Variants in WASF3 observed in about 807,000 individuals in gnomAD.
The protein encoded by WASF3 is actin-binding protein WASF3.
In WASF3, 11 loss-of-function variants were observed where a neutral mutation model predicts 46.6. The observed-to-expected ratio is 0.24, with a 90% CI of 0.15 to 0.39. The LOEUF (loss-of-function observed/expected upper bound fraction) is 0.39, where lower values mean the gene tolerates loss of function less well. WASF3 is among the 10% of genes least tolerant of loss of function. The pLI is 1.00. For missense variants in WASF3, 576 were observed against 669.8 expected (o/e 0.86, Z 1.55); for synonymous variants, 242 against 259.7 (o/e 0.93, Z 0.65).
intron 3 of WASF3, among the ~76,000 whole-genome samples, chr13:26,661,228 G>A (rs749684146): frequency 7.9e-5 from 12 of 152,220 alleles, no homozygotes; most frequent in Non-Finnish European, 1.6e-4. Context: ...TCTCCAGAAT[G>A]TTGTCATCCT....
chr13:26,580,130 C>A (rs556261445), intron 1 of WASF3, among the ~76,000 whole-genome samples: 4 of 152,226 alleles, frequency 2.6e-5, no homozygotes, highest in South Asian at 2.1e-4. Flanking sequence ...AGATTGGACA[C>A]CCCTGCCTTA....
intron 5 of WASF3, 69 bp downstream of exon 5, chr13:26,667,739 C>G: frequency 6.8e-7 from 1 of 1,473,044 alleles, no homozygotes. Flanking sequence ...TGGGAGCAAG[C>G]TGATGCATTG....
intron 3 of WASF3, among the ~76,000 whole-genome samples, chr13:26,660,608 G>A (rs190696393): frequency 1.2e-4 from 18 of 152,180 alleles, no homozygotes; most frequent in Middle Eastern, 3.4e-3. Context: ...TGCTGCGAAG[G>A]GAGGAGAGTA....
rs1207038293 is a variant in WASF3 at position 26,679,824 on chromosome 13, G to A, written c.717-1230G>A. On this transcript the variant is annotated intron_variant, in intron 7 of 9. Coordinates refer to ENST00000335327, the MANE Select transcript of WASF3 (RefSeq NM_006646.6). This position sits in a 1 kb window ranked among gnomAD's most constrained non-coding sequence, Gnocchi z 4.8. ...ATCCAGAATTCATACTGCAATTAGG[G>A]AAGAAAATAATGAGTAGTTATTAGT... Among the ~76,000 whole-genome samples the A allele has an allele frequency of 6.6e-6, 1 of 152,162 alleles. No individual in the cohort carries two copies. The highest frequency in any genetic ancestry group is 1.5e-5 in the Non-Finnish European group (1 of 68,024).
rs780981067 is a variant in WASF3, at chr13:26,685,825, G to A, written c.1489G>A (p.Glu497Lys). The A allele has an allele frequency of 1.9e-6, 3 of 1,613,858 alleles. No homozygotes were observed. The highest frequency in any genetic ancestry group is 1.7e-5 in the Admixed American group (1 of 60,030). Residue 497 changes from glutamate (E) to lysine (K), a missense_variant, in exon 10 of 10, where the codon GAG becomes AAG. Glu to Lys is a moderately conservative substitution (Grantham distance 56). Around this residue, in one of 3 missense-constraint regions of WASF3, gnomAD observed 68 missense variants for 100.3 expected, o/e 0.68. Transcript: ENST00000335327. Reference sequence around the variant, plus strand: ...CTCTGACGACGACTCAGAGTTCGACGAGAACGACTGGTCCGACTGAGCAAA... The same window carrying A: ...CTCTGACGACGACTCAGAGTTCGACAAGAACGACTGGTCCGACTGAGCAAA... ...SDSDDDSEFDENDWSD is the reference protein window; with the variant it reads ...SDSDDDSEFDKNDWSD
intron 2 of WASF3, among the ~76,000 whole-genome samples, chr13:26,637,062 T>G (rs962799178): frequency 6.6e-6 from 1 of 152,202 alleles, no homozygotes; most frequent in Non-Finnish European, 1.5e-5. Flanking sequence ...CTGTGCTTAG[T>G]CTGTCCAGTC....
intron 3 of WASF3, among the ~76,000 whole-genome samples, chr13:26,643,012 T>C (rs929961021): frequency 6.6e-6 from 1 of 152,244 alleles, no homozygotes; most frequent in Non-Finnish European, 1.5e-5. Flanking sequence ...CATAGATGTA[T>C]GGCAAATGCA....
rs140625714 is a variant in WASF3 at position 26,563,206 on chromosome 13, G to A, written c.-109+5387G>A. On this transcript the variant is annotated intron_variant, in intron 1 of 9. Transcript: ENST00000335327. ...ACCAGTTTTGTGTCAGATCCTATCC[G>A]CCTATCTTCATAGATGTTTTTATTT... 6.8e-3 allele frequency among the ~76,000 whole-genome samples: 1,038 copies of A among 151,830 alleles called. 14 individuals carry two copies. The highest frequency in any genetic ancestry group is 0.024 in the African/African-American group (985 of 41,406).
chr13:26,547,417 C>CAT, the WASF3 span, among the ~76,000 whole-genome samples: 1 of 151,696 alleles, frequency 6.6e-6, no homozygotes, highest in African/African-American at 2.4e-5. Context: ...CACACACACA[C>CAT]ACACACACAC....
intron 1 of WASF3, among the ~76,000 whole-genome samples, chr13:26,562,860 T>TCCCCTCCCCTCCCCTCCCC (rs1879339053): frequency 3.6e-5 from 1 of 27,574 alleles, no homozygotes; most frequent in Non-Finnish European, 6.8e-5. Flanking sequence ...TCCCCTCTCC[T>TCCCCTCCCCTCCCCTCCCC]CCCCTCCTCC....
At chr13:26,635,445 C>G (rs1237728083) in intron 2 of WASF3, among the ~76,000 whole-genome samples, 1 of 152,210 alleles carries the variant, frequency 6.6e-6, no homozygotes, top group Non-Finnish European at 1.5e-5. Flanking sequence ...GCTCCTTTAG[C>G]TCGGAGAAGT....
chr13:26,556,329 G>C (rs1879097849), upstream of WASF3, among the ~76,000 whole-genome samples: 1 of 152,190 alleles, frequency 6.6e-6, no homozygotes, highest in Non-Finnish European at 1.5e-5. Context: ...CCTAAACATA[G>C]ACATGGAAGC....
the WASF3 span, among the ~76,000 whole-genome samples, chr13:26,549,069 A>G: frequency 6.9e-6 from 1 of 145,238 alleles, no homozygotes; most frequent in African/African-American, 2.6e-5. Context: ...GCAACCTCCG[A>G]CTCCCTGGTT....
At chr13:26,543,015 A>G in the WASF3 span, among the ~76,000 whole-genome samples, 6 of 152,336 alleles carry the variant, frequency 3.9e-5, no homozygotes, top group Non-Finnish European at 7.3e-5. Flanking sequence ...TAGGTAATGA[A>G]CAGTAAAACA....
chr13:26,683,245 T>G lies in WASF3; in HGVS notation c.1351+271T>G, dbSNP rs2650692. Among the ~76,000 whole-genome samples the G allele has an allele frequency of 0.35, 53,425 of 151,926 alleles. 10,109 individuals are homozygous for G. Among genetic ancestry groups the G allele is most frequent in the African/African-American group, 0.48 (19,870 of 41,422 alleles). ...CCAGCACTTTGGGAGGCCAAGGCAGTTGGATTGCTTGAGCCCAGGAGTTTG... is the reference window on the plus strand; with the variant it reads ...CCAGCACTTTGGGAGGCCAAGGCAGGTGGATTGCTTGAGCCCAGGAGTTTG... On this transcript the variant is annotated intron_variant, in intron 9 of 9. Coordinates refer to ENST00000335327, the MANE Select transcript of WASF3 (RefSeq NM_006646.6).
chr13:26,651,000 A>T (rs932746758), intron 3 of WASF3, among the ~76,000 whole-genome samples: 4 of 152,214 alleles, frequency 2.6e-5, no homozygotes, highest in African/African-American at 7.2e-5. Context: ...AATATTGATG[A>T]TAGATATCAA....
chr13:26,639,440 A>C (rs1266887613), intron 2 of WASF3, among the ~76,000 whole-genome samples: 1 of 152,174 alleles, frequency 6.6e-6, no homozygotes, highest in Non-Finnish European at 1.5e-5. Context: ...TTTTTTGAAT[A>C]ATCAGGTTGT....
chr13:26,641,563 G>T (rs1257251538), intron 2 of WASF3, among the ~76,000 whole-genome samples: 1 of 152,128 alleles, frequency 6.6e-6, no homozygotes, highest in Non-Finnish European at 1.5e-5. Flanking sequence ...AAAATTAGGG[G>T]TTTATGTAGC....
chr13:26,599,029 C>G (rs543819573), intron 1 of WASF3, among the ~76,000 whole-genome samples: 4 of 152,172 alleles, frequency 2.6e-5, no homozygotes, highest in African/African-American at 9.6e-5. Context: ...TGCCACCGCG[C>G]CTGGCTAATT....
Sources: gnomAD v4.1 joint callset for allele counts (sites outside exome capture counted in the v4.1 genomes callset) on GRCh38, gnomAD v4.1.1 for gene constraint, gnomAD v4.1.1 regional missense constraint, Gnocchi (gnomAD v3.1) non-coding constraint, MANE v1.5 for transcripts, NCBI Gene and HGNC (gene_info 2026-07-23, HGNC 2026-07-21) for gene names.